Variants in MTHFD2L observed in about 807,000 individuals in gnomAD.
The protein encoded by MTHFD2L is bifunctional methylenetetrahydrofolate dehydrogenase/cyclohydrolase 2, mitochondrial.
In MTHFD2L, 29 loss-of-function variants were observed where a neutral mutation model predicts 34.9. That is an observed-to-expected ratio of 0.83 (90% CI 0.62 to 1.13). The LOEUF is 1.13. MTHFD2L is among the 50% of genes most tolerant of loss of function. The pLI, the probability that MTHFD2L is intolerant of heterozygous loss-of-function variation, is 0.00. For synonymous variants in MTHFD2L, 167 were observed against 155.7 expected (o/e 1.07, Z -0.54); for missense variants, 481 against 446.5 (o/e 1.08, Z -0.70).
At chr4:74,125,085 G>A (rs1721978743), upstream of MTHFD2L, among the ~76,000 whole-genome samples, 1 of 152,124 alleles carries the variant, frequency 6.6e-6, no homozygotes, top group Admixed American at 6.6e-5. Flanking sequence ...TTGTGGGGAG[G>A]TAGATAATCT....
chr4:74,225,181 T>G (rs1299631559), intron 5 of MTHFD2L, 121 bp from the exon 6 acceptor site: 16 of 725,832 alleles, frequency 2.2e-5, no homozygotes, highest in Non-Finnish European at 3.4e-5. Flanking sequence ...TCAAAGTGAT[T>G]TAGTCATGTC....
At chr4:74,275,398 G>A (rs770811699) in intron 6 of MTHFD2L, among the ~76,000 whole-genome samples, 6 of 151,986 alleles carry the variant, frequency 3.9e-5, no homozygotes, top group Non-Finnish European at 7.4e-5. Flanking sequence ...ATAGCGCTGC[G>A]ATAAATATAT....
intron 1 of MTHFD2L, among the ~76,000 whole-genome samples, chr4:74,151,701 A>C (rs546441304): frequency 6.6e-6 from 1 of 152,336 alleles, no homozygotes; most frequent in South Asian, 2.1e-4. Flanking sequence ...ATTTGACTAA[A>C]AAACTGAGAT....
chr4:74,292,166 T>G (rs1749045495), intron 7 of MTHFD2L, among the ~76,000 whole-genome samples: 1 of 152,190 alleles, frequency 6.6e-6, no homozygotes, highest in African/African-American at 2.4e-5. Flanking sequence ...CTGCCTCCAT[T>G]GTGGCTTACA....
chr4:74,121,785 A>G (rs1208053433), upstream of MTHFD2L, among the ~76,000 whole-genome samples: 1 of 150,852 alleles, frequency 6.6e-6, no homozygotes, highest in African/African-American at 2.4e-5. Flanking sequence ...ATAAATGTAA[A>G]TGCACTTGAA....
chr4:74,266,721 GCTA>G, intron 6 of MTHFD2L: 1 of 317,272 alleles, frequency 3.2e-6, no homozygotes, highest in Non-Finnish European at 4.6e-6. Context: ...AAATCTTGAA[GCTA>G]AGAAGTAAGG....
At chr4:74,158,050 C>A, upstream of MTHFD2L, 1 of 1,522,062 alleles carries the variant, frequency 6.6e-7, no homozygotes. Flanking sequence ...GCCCTGCCAG[C>A]CCGGGTGAGG....
At chr4:74,158,038 C>T (rs1475447583), upstream of MTHFD2L, 3 of 1,505,628 alleles carry the variant, frequency 2.0e-6, no homozygotes, top group Non-Finnish European at 2.7e-6. Context: ...GCGCTACTTG[C>T]TGCCCTGCCA....
chr4:74,235,515 A>G (rs1328375586), intron 6 of MTHFD2L, among the ~76,000 whole-genome samples: 1 of 152,074 alleles, frequency 6.6e-6, no homozygotes, highest in Non-Finnish European at 1.5e-5. Context: ...GAGAGGGTTG[A>G]GATATGTGGG....
intron 1 of MTHFD2L, among the ~76,000 whole-genome samples, chr4:74,146,317 T>A (rs546597853): frequency 6.6e-6 from 1 of 152,184 alleles, no homozygotes; most frequent in African/African-American, 2.4e-5. Context: ...ACTCCTAAGT[T>A]ATTAAAAAAT....
At chr4:74,188,973 T>C (rs1427950789) in intron 3 of MTHFD2L, among the ~76,000 whole-genome samples, 1 of 151,844 alleles carries the variant, frequency 6.6e-6, no homozygotes, top group Non-Finnish European at 1.5e-5. Flanking sequence ...AGTAAAGGAC[T>C]CAAAAGAATG....
intron 6 of MTHFD2L, among the ~76,000 whole-genome samples, chr4:74,248,428 C>G (rs1413010090): frequency 5.9e-5 from 9 of 152,044 alleles, no homozygotes; most frequent in Non-Finnish European, 1.3e-4. Flanking sequence ...TTTCAAAAAA[C>G]CAGCTCCCGG....
intron 6 of MTHFD2L, among the ~76,000 whole-genome samples, chr4:74,231,273 T>A (rs990701910): frequency 6.6e-6 from 1 of 152,128 alleles, no homozygotes; most frequent in African/African-American, 2.4e-5. Context: ...AACATTATCC[T>A]AGGGCTCAAT....
chr4:74,178,700 C>A (rs1255971697), intron 3 of MTHFD2L, among the ~76,000 whole-genome samples: 2 of 152,020 alleles, frequency 1.3e-5, no homozygotes, highest in Non-Finnish European at 2.9e-5. Flanking sequence ...TTGTGGCTAA[C>A]ATTTATTACA....
intron 1 of MTHFD2L, among the ~76,000 whole-genome samples, chr4:74,166,933 A>G (rs956551268): frequency 6.6e-6 from 1 of 152,142 alleles, no homozygotes; most frequent in Admixed American, 6.5e-5. Flanking sequence ...GGGCCATTCC[A>G]GAGGACCCTG....
At chr4:74,262,401 G>GTATA (rs199616517) in intron 6 of MTHFD2L, among the ~76,000 whole-genome samples, 1 of 151,436 alleles carries the variant, frequency 6.6e-6, no homozygotes, top group East Asian at 1.9e-4. Flanking sequence ...AAAGCTGGAG[G>GTATA]TATATATATA....
intron 3 of MTHFD2L, chr4:74,190,346 G>A (rs1361184998): frequency 1.6e-5 from 5 of 316,572 alleles, no homozygotes; most frequent in East Asian, 3.4e-4. Flanking sequence ...ATAGGGTAAA[G>A]GTTAGCAACC....
chr4:74,158,171 C>A lies in MTHFD2L; in HGVS notation c.33C>A (p.Leu11=). MTVPVRGFSL[L]RGRLGRAPAL... is the part of the protein sequence containing the mutation. The stretch of plus-strand genomic sequence containing the variant: ...TGCCGGTCCGCGGCTTCTCGCTGCT[C>A]CGCGGCCGCCTTGGCCGAGCGCCGG... Residue 11 remains leucine (L), a synonymous_variant, in exon 1 of 8, where the codon CTC becomes CTA. Transcript: ENST00000325278. 1 of 1,528,724 alleles carries A rather than the reference C, an allele frequency of 6.5e-7. No individual in the cohort carries two copies. Among genetic ancestry groups the A allele is most frequent in the Non-Finnish European group, 8.8e-7 (1 of 1,139,022 alleles). 94.7% of individuals were successfully genotyped at this position (1,528,724 alleles called of 1,614,324 possible).
At chr4:74,127,703 A>G (rs1722177772) in intron 1 of MTHFD2L, among the ~76,000 whole-genome samples, 1 of 152,178 alleles carries the variant, frequency 6.6e-6, no homozygotes, top group African/African-American at 2.4e-5. Flanking sequence ...TAGTGCTGCA[A>G]TAAATATGGG....
Sources: allele counts gnomAD v4.1 joint callset (sites outside exome capture counted in the v4.1 genomes callset), GRCh38; gene constraint gnomAD v4.1.1; transcripts MANE v1.5; gene names NCBI Gene and HGNC (gene_info 2026-07-23, HGNC 2026-07-21).